USP31: variants seen among roughly 807,000 people sequenced by gnomAD.
USP31 encodes the protein ubiquitin specific peptidase 31.
In USP31, 44 loss-of-function variants were observed where a neutral mutation model predicts 119.4. That is an observed-to-expected ratio of 0.37 (90% CI 0.29 to 0.47). The LOEUF (loss-of-function observed/expected upper bound fraction) is 0.47. Among genes scored for constraint, USP31 ranks in the 20% least tolerant of loss-of-function variants. USP31 has a pLI of 0.99. For synonymous variants in USP31, 749 were observed against 705.6 expected (o/e 1.06, Z -0.97); for missense variants, 1,643 against 1,730.2 (o/e 0.95, Z 0.89).
intron 4 of USP31, among the ~76,000 whole-genome samples, 168 bp from the exon 5 acceptor site, chr16:23,105,744 A>T (rs1902073352): frequency 6.6e-6 from 1 of 152,184 alleles, no homozygotes; most frequent in Admixed American, 6.5e-5. Context: ...GAACTGTCAA[A>T]CAATCATCAA....
At chr16:23,078,285 C>T (rs942528592) in intron 13 of USP31, among the ~76,000 whole-genome samples, 1 of 142,254 alleles carries the variant, frequency 7.0e-6, no homozygotes, top group African/African-American at 2.7e-5. Flanking sequence ...ACACTCCAGC[C>T]TGGTGAGAGA....
chr16:23,078,395 G>GAA lies in USP31; in HGVS notation c.2176+1550_2176+1551insTT, dbSNP rs570637979. On this transcript the variant is annotated intron_variant, in intron 13 of 15. Transcript: ENST00000219689. ...CTGTTACAATACTAGGCGTGAAGATGAGGATGCAGAAGGCATGCGCCACTC... is the reference window on the plus strand; with the variant it reads ...CTGTTACAATACTAGGCGTGAAGATGAAAGGATGCAGAAGGCATGCGCCACTC... 1.6e-4 allele frequency among the ~76,000 whole-genome samples: 24 copies of GAA among 151,870 alleles called. No homozygotes were observed. In the East Asian group the frequency reaches 4.4e-3, roughly 28 times the overall value.
intron 11 of USP31, among the ~76,000 whole-genome samples, chr16:23,083,196 G>A (rs1007273800): frequency 1.3e-5 from 2 of 152,260 alleles, no homozygotes; most frequent in Admixed American, 6.5e-5. Context: ...CAAGACAGAT[G>A]GAGTACCTGC....
At chr16:23,107,599 C>T (rs1902159598) in intron 2 of USP31, among the ~76,000 whole-genome samples, 1 of 152,128 alleles carries the variant, frequency 6.6e-6, no homozygotes, top group African/African-American at 2.4e-5. Context: ...GAATTAATTG[C>T]TATGTTTCTC....
rs535734531 is a variant in USP31 at position 23,113,220 on chromosome 16, A to G, written c.634-5037T>C. ...GAATAGAGGAAGAGATTAGGGGACC[A>G]CAGTTTTGAACAAGTTGCATTTGAG... On this transcript the variant is annotated intron_variant, in intron 1 of 15. Transcript: ENST00000219689. Among the ~76,000 whole-genome samples the G allele has an allele frequency of 5.3e-5, 8 of 152,260 alleles. No homozygotes were observed. The East Asian group carries it at 1.4e-3, about 26-fold the overall frequency.
intron 1 of USP31, among the ~76,000 whole-genome samples, chr16:23,145,653 C>A (rs12920667): frequency 0.28 from 42,638 of 152,026 alleles, 6,318 homozygotes; most frequent in Admixed American, 0.35. Context: ...GGTGACAAAC[C>A]TAAGAACAAA....
chr16:23,101,594 C>T (rs1291990973), intron 6 of USP31, among the ~76,000 whole-genome samples: 1 of 152,076 alleles, frequency 6.6e-6, no homozygotes, highest in Non-Finnish European at 1.5e-5. Context: ...CTCCTTTACT[C>T]GGTGTGGAGT....
intron 13 of USP31, chr16:23,079,698 A>T (rs935812524): frequency 6.2e-5 from 23 of 372,804 alleles, no homozygotes; most frequent in Non-Finnish European, 1.1e-4. Context: ...AGTTGACCAG[A>T]CAATGCCATC....
chr16:23,136,602 T>C (rs1903198393), intron 1 of USP31, among the ~76,000 whole-genome samples: 1 of 144,898 alleles, frequency 6.9e-6, no homozygotes. Flanking sequence ...TGCAGTGAGC[T>C]AAGATCGTGC....
chr16:23,073,712 TG>T lies in USP31; in HGVS notation c.2335+9del. ...GGAAAAAACTGCCCAAGAACAAGAG[TG>T]GACCTCACCTGCCACCGAGCTGTTG... On this transcript the variant is annotated intron_variant, in intron 14 of 15. Coordinates refer to ENST00000219689, the MANE Select transcript of USP31 (RefSeq NM_020718.4). 6.2e-7 allele frequency: 1 copy of T among 1,609,918 alleles called. No individual in the cohort carries two copies. The highest frequency in any genetic ancestry group is 8.5e-7 in the Non-Finnish European group (1 of 1,178,112).
intron 11 of USP31, among the ~76,000 whole-genome samples, 174 bp downstream of exon 11, chr16:23,084,686 T>G (rs926781809): frequency 2.6e-5 from 4 of 152,184 alleles, no homozygotes; most frequent in Non-Finnish European, 4.4e-5. Context: ...ACTTACAACT[T>G]CTTGTTAAAG....
intron 9 of USP31, among the ~76,000 whole-genome samples, chr16:23,086,204 T>A (rs1029172595): frequency 6.6e-6 from 1 of 152,208 alleles, no homozygotes; most frequent in Non-Finnish European, 1.5e-5. Flanking sequence ...TTGTTTGTTA[T>A]GCAATATTTT....
In USP31 at chr16:23,084,057, A is replaced by T. The variant is rs185881401; in HGVS notation, c.1830+803T>A. ...CACCTATTTGAAATTAAGCAGAAGAAGAACCCAACCACCAGAATAAAAGAG... is the reference window on the plus strand; with the variant it reads ...CACCTATTTGAAATTAAGCAGAAGATGAACCCAACCACCAGAATAAAAGAG... On this transcript the variant is annotated intron_variant, in intron 11 of 15. Coordinates refer to ENST00000219689, the MANE Select transcript of USP31 (RefSeq NM_020718.4). 1.7e-3 allele frequency among the ~76,000 whole-genome samples: 256 copies of T among 152,340 alleles called. 2 individuals carry two copies. The highest frequency in any genetic ancestry group is 1.1e-3 in the Non-Finnish European group (76 of 68,028).
chr16:23,144,138 A>T (rs1903438419), intron 1 of USP31, among the ~76,000 whole-genome samples: 1 of 152,184 alleles, frequency 6.6e-6, no homozygotes, highest in Non-Finnish European at 1.5e-5. Flanking sequence ...AACTCAAATC[A>T]ATGTGGTTAA....
chr16:23,144,717 A>G (rs888175486), intron 1 of USP31, among the ~76,000 whole-genome samples: 1 of 152,122 alleles, frequency 6.6e-6, no homozygotes, highest in Non-Finnish European at 1.5e-5. Context: ...ATTGGTCTCA[A>G]GTGATCCACC....
intron 1 of USP31, among the ~76,000 whole-genome samples, chr16:23,147,948 T>G (rs1439576581): frequency 6.6e-6 from 1 of 152,042 alleles, no homozygotes; most frequent in East Asian, 1.9e-4. Context: ...AAAATAAAAA[T>G]AAAAAGTAGC....
chr16:23,095,093 C>T (rs1200549876), intron 6 of USP31, among the ~76,000 whole-genome samples: 1 of 151,998 alleles, frequency 6.6e-6, no homozygotes, highest in Non-Finnish European at 1.5e-5. Flanking sequence ...AGCTAAAAAC[C>T]TTGAAAAAAA....
intron 6 of USP31, among the ~76,000 whole-genome samples, chr16:23,092,227 C>A (rs1479682997): frequency 6.6e-6 from 1 of 152,216 alleles, no homozygotes; most frequent in Non-Finnish European, 1.5e-5. Context: ...CTCAATAAGG[C>A]AGTCTCTGGC....
At chr16:23,084,119 C>G (rs1900983167) in intron 11 of USP31, among the ~76,000 whole-genome samples, 1 of 152,146 alleles carries the variant, frequency 6.6e-6, no homozygotes, top group Admixed American at 6.5e-5. Context: ...TTGCATGACT[C>G]CATTTAAGAG....
Sources: gnomAD v4.1 joint callset for allele counts (sites outside exome capture counted in the v4.1 genomes callset) on GRCh38, gnomAD v4.1.1 for gene constraint, MANE v1.5 for transcripts, NCBI Gene and HGNC (gene_info 2026-07-23, HGNC 2026-07-21) for gene names.